The following DCD variants were observed in gnomAD, a reference collection of about 807,000 sequenced individuals.
DCD encodes dermcidin.
A neutral mutation model predicts 14.5 loss-of-function variants in DCD; 17 were observed. That is an observed-to-expected ratio of 1.18 (90% CI 0.81 to 1.76). The LOEUF (loss-of-function observed/expected upper bound fraction) is 1.76. Ranked by LOEUF, DCD falls within the 40% of genes most tolerant of loss-of-function variation. The pLI, the probability that DCD is intolerant of heterozygous loss-of-function variation, is 0.00. For missense variants in DCD, 139 were observed against 133.4 expected (o/e 1.04, Z -0.21); for synonymous variants, 64 against 54.0 (o/e 1.19, Z -0.82).
At chr12:54,646,644 G>A (rs553663625) in intron 2 of DCD, among the ~76,000 whole-genome samples, 35 of 152,224 alleles carry the variant, frequency 2.3e-4, no homozygotes, top group Non-Finnish European at 3.4e-4. Context: ...AATGTATAAC[G>A]TTTGATGTGG....
At chr12:54,648,101 G>A in intron 1 of DCD, 145 bp downstream of exon 1, 1 of 846,340 alleles carries the variant, frequency 1.2e-6, no homozygotes, top group East Asian at 2.7e-5. Flanking sequence ...GAGTCCCTGT[G>A]TGGAGAACCT....
intron 3 of DCD, 105 bp downstream of exon 3, chr12:54,645,501 G>A: frequency 9.5e-7 from 1 of 1,057,518 alleles, no homozygotes; most frequent in Admixed American, 2.0e-5. Context: ...GAATATGGGT[G>A]TAGCTGTGTC....
chr12:54,645,472 C>T lies in DCD; in HGVS notation c.199+134G>A, dbSNP rs550097471. 4 of 885,602 alleles carry T rather than the reference C, an allele frequency of 4.5e-6. No homozygotes were observed. In the African/African-American group the frequency reaches 6.6e-5, roughly 15 times the overall value. The allele number at this position is 885,602 out of a possible 1,614,324, so 54.9% of individuals were successfully genotyped here. On this transcript the variant is annotated intron_variant, in intron 3 of 4. Coordinates refer to ENST00000293371, the MANE Select transcript of DCD (RefSeq NM_053283.4). ...AACCCTGTATGTAGAAGCAGGTGTG[C>T]ACCCCAAGCCCTCCCTAGGAATATG... is the stretch of plus-strand genomic sequence containing the variant.
Position 54,645,625 on chromosome 12 carries a change from C to T in DCD, c.180G>A (p.Lys60=). The T allele has an allele frequency of 6.2e-7, 1 of 1,614,130 alleles. No homozygotes were observed. The highest frequency in any genetic ancestry group is 1.3e-5 in the African/African-American group (1 of 75,064). The change falls in exon 3 of 5, where the codon AAG becomes AAA. Residue 60 remains lysine, a synonymous_variant. Coordinates refer to ENST00000293371, the MANE Select transcript of DCD (RefSeq NM_053283.4). The part of the protein sequence containing the change: ...GLARQAPKPR[K]QRSSLLEKGL... The stretch of plus-strand genomic sequence containing the variant: ...GCTTACCCAGAAGGCTGGATCTCTG[C>T]TTCCTTGGCTTTGGTGCCTGTCTGG...
At position 54,648,253 on chromosome 12, in the gene DCD, G is replaced by C. The variant is rs1392758384; in HGVS notation, c.51C>G (p.Val17=). The C allele has an allele frequency of 5.6e-6, 9 of 1,613,898 alleles. No individual in the cohort carries two copies. The highest frequency in any genetic ancestry group is 7.6e-6 in the Non-Finnish European group (9 of 1,179,966). The change falls in exon 1 of 5, where the codon GTC becomes GTG. Residue 17 remains valine (V), a synonymous_variant. Coordinates refer to ENST00000293371, the MANE Select transcript of DCD (RefSeq NM_053283.4). The part of the protein sequence containing the change: ...LFLTALAGAL[V]CAYDPEAASA... Reference sequence around the variant, plus strand: ...GGGAAGAGCCATACTCACAGGCACAGACCAGGGCTCCTGCCAGAGCTGTCA... The same window carrying C: ...GGGAAGAGCCATACTCACAGGCACACACCAGGGCTCCTGCCAGAGCTGTCA...
chr12:54,644,830 G>T, intron 4 of DCD, 74 bp from the exon 5 acceptor site: 1 of 1,557,520 alleles, frequency 6.4e-7, no homozygotes, highest in East Asian at 2.4e-5. Context: ...CCAGGGAATT[G>T]GGGAAGGAGA....
At position 54,648,330 on chromosome 12, in the gene DCD, C is replaced by A; in HGVS notation, c.-27G>T. 1 of 1,613,688 alleles carries A rather than the reference C, an allele frequency of 6.2e-7. No homozygotes were observed. The highest frequency in any genetic ancestry group is 1.1e-5 in the South Asian group (1 of 91,020). On this transcript the variant is annotated 5_prime_UTR_variant, in exon 1 of 5. Coordinates refer to ENST00000293371, the MANE Select transcript of DCD (RefSeq NM_053283.4). ...CTTCTGTGTGCTGGAGTGGGTATGC[C>A]ACCAAATCCTTGGAGATCTTGGGAT...
chr12:54,645,163 A>C lies in DCD; in HGVS notation c.289+10T>G. ...CTGGTCCTGAGGGAGGAGTGGGGAC[A>C]TATACTCACCTTTACCCACGCTTTC... On this transcript the variant is annotated intron_variant, in intron 4 of 4. Coordinates refer to ENST00000293371, the MANE Select transcript of DCD (RefSeq NM_053283.4). The C allele has an allele frequency of 1.2e-6, 2 of 1,613,634 alleles. No individual in the cohort carries two copies. The highest frequency in any genetic ancestry group is 1.7e-6 in the Non-Finnish European group (2 of 1,179,638).
chr12:54,644,843 TAGGGGA>T lies in DCD; in HGVS notation c.290-93_290-88del, dbSNP rs536287837. ...AGCCAGGGAATTGGGGAAGGAGAGG[TAGGGGA>T]AGGGGAAGGGGAAGGGAGGCCTGGA... On this transcript the variant is annotated intron_variant, in intron 4 of 4. Coordinates refer to ENST00000293371, the MANE Select transcript of DCD (RefSeq NM_053283.4). 859 of 1,540,520 alleles carry T rather than the reference TAGGGGA, an allele frequency of 5.6e-4. 8 individuals carry two copies. The highest frequency in any genetic ancestry group is 3.0e-4 in the South Asian group (25 of 84,364).
chr12:54,648,177 G>A (rs1958276979), intron 1 of DCD, 69 bp downstream of exon 1: 1 of 1,566,662 alleles, frequency 6.4e-7, no homozygotes, highest in African/African-American at 1.4e-5. Flanking sequence ...GGAGGGGAAG[G>A]GGAAATGAAG....
Position 54,644,626 on chromosome 12 carries a change from T to TTG in DCD, c.*86_*87insCA. 4.3e-6 allele frequency: 1 copy of TTG among 231,238 alleles called. No homozygotes were observed. Among genetic ancestry groups the TTG allele is most frequent in the South Asian group, 8.3e-5 (1 of 12,000 alleles). The allele number at this position is 231,238 out of a possible 1,614,324, so 14.3% of individuals were successfully genotyped here. Reference sequence around the variant, plus strand: ...TTTCAGTTTAATAGCTGTTTTAAATTTTTTTTTTTTTTTTTTTTTTTAGGT... The same window carrying TTG: ...TTTCAGTTTAATAGCTGTTTTAAATTTGTTTTTTTTTTTTTTTTTTTTTAGGT... On this transcript the variant is annotated 3_prime_UTR_variant, in exon 5 of 5. Transcript: ENST00000293371.
chr12:54,647,096 G>T, intron 2 of DCD, 25 bp downstream of exon 2: 2 of 1,553,334 alleles, frequency 1.3e-6, no homozygotes, highest in Non-Finnish European at 8.7e-7. Context: ...CCAGGACTGG[G>T]GCAGGAGGAA....
intron 2 of DCD, 109 bp downstream of exon 2, chr12:54,647,012 A>C: frequency 1.7e-6 from 2 of 1,192,002 alleles, no homozygotes; most frequent in East Asian, 2.6e-5. Context: ...CGGCCTCCCA[A>C]CTCTCCTTCC....
At chr12:54,645,457 G>T in intron 3 of DCD, 149 bp downstream of exon 3, 1 of 824,260 alleles carries the variant, frequency 1.2e-6, no homozygotes, top group Non-Finnish European at 1.9e-6. Flanking sequence ...AACCCTGTAT[G>T]TAGAAGCAGG....
intron 2 of DCD, 51 bp from the exon 3 acceptor site, chr12:54,645,758 C>A (rs750591896): frequency 1.3e-6 from 2 of 1,530,642 alleles, no homozygotes; most frequent in South Asian, 2.3e-5. Flanking sequence ...CTCTTTCCAC[C>A]CTGGTCGGGG....
intron 2 of DCD, 117 bp from the exon 3 acceptor site, chr12:54,645,824 C>T (rs937258271): frequency 1.3e-6 from 1 of 754,482 alleles, no homozygotes; most frequent in Admixed American, 2.3e-5. Flanking sequence ...TCCCTCTCTC[C>T]CAATTCCTCT....
chr12:54,645,163 A>G lies in DCD; in HGVS notation c.289+10T>C. The G allele has an allele frequency of 2.5e-6, 4 of 1,613,634 alleles. No homozygotes were observed. Among genetic ancestry groups the G allele is most frequent in the Non-Finnish European group, 3.4e-6 (4 of 1,179,638 alleles). On this transcript the variant is annotated intron_variant, in intron 4 of 4. Transcript: ENST00000293371. The stretch of plus-strand genomic sequence containing the variant: ...CTGGTCCTGAGGGAGGAGTGGGGAC[A>G]TATACTCACCTTTACCCACGCTTTC...
Position 54,647,179 on chromosome 12 carries a change from G to T in DCD, c.59-20C>A. The T allele has an allele frequency of 1.3e-6, 2 of 1,558,546 alleles. No homozygotes were observed. Among genetic ancestry groups the T allele is most frequent in the South Asian group, 2.4e-5 (2 of 84,306 alleles). ...GATCATCTGCAAAGGAGGGAACAGT[G>T]ACCATGTCAAGTAGGGCACAGTTGC... is the stretch of plus-strand genomic sequence containing the variant. On this transcript the variant is annotated intron_variant, in intron 1 of 4. Transcript: ENST00000293371.
Position 54,647,161 on chromosome 12 carries a change from T to A in DCD, c.59-2A>T. The A allele has an allele frequency of 1.3e-6, 2 of 1,562,100 alleles. No individual in the cohort carries two copies. The highest frequency in any genetic ancestry group is 4.8e-5 in the East Asian group (2 of 42,032). ...GGGCAGAGGCGGCCTCTGGATCATC[T>A]GCAAAGGAGGGAACAGTGACCATGT... On this transcript the variant is annotated splice_acceptor_variant, in intron 1 of 4. Coordinates refer to ENST00000293371, the MANE Select transcript of DCD (RefSeq NM_053283.4). LOFTEE classifies it high-confidence loss of function.
Sources: allele counts gnomAD v4.1 joint callset (sites outside exome capture counted in the v4.1 genomes callset), GRCh38; gene constraint gnomAD v4.1.1; transcripts MANE v1.5; gene names NCBI Gene and HGNC (gene_info 2026-07-23, HGNC 2026-07-21).